Variants in MEGF11 observed in about 807,000 individuals in gnomAD.
MEGF11 encodes multiple EGF like domains 11.
In MEGF11, 126 loss-of-function variants were observed where a neutral mutation model predicts 146.6. The observed-to-expected ratio is 0.86, with a 90% CI of 0.74 to 1.00. The LOEUF (loss-of-function observed/expected upper bound fraction) is 1.00. Among genes scored for constraint, MEGF11 ranks in the 50% least tolerant of loss-of-function variants. MEGF11 has a pLI of 0.00. For missense variants in MEGF11, 1,509 were observed against 1,521.2 expected (o/e 0.99, Z 0.13); for synonymous variants, 532 against 583.4 (o/e 0.91, Z 1.27).
chr15:66,107,415 G>T (rs1443974362), intron 4 of MEGF11, among the ~76,000 whole-genome samples: 1 of 152,176 alleles, frequency 6.6e-6, no homozygotes, highest in African/African-American at 2.4e-5. Context: ...GAGGGAGGAA[G>T]GCGCTCAGCA....
chr15:66,204,956 T>C (rs1311021568), intron 1 of MEGF11, among the ~76,000 whole-genome samples: 1 of 149,898 alleles, frequency 6.7e-6, no homozygotes, highest in East Asian at 2.0e-4. Flanking sequence ...AGGAACAACA[T>C]GGTGGTGTGT....
chr15:66,203,904 T>A (rs2091232151), intron 1 of MEGF11, among the ~76,000 whole-genome samples: 1 of 152,196 alleles, frequency 6.6e-6, no homozygotes, highest in African/African-American at 2.4e-5. Context: ...TTTTTGGAGA[T>A]GTATGTTGAC....
chr15:66,116,880 A>T (rs1297521278), intron 4 of MEGF11, among the ~76,000 whole-genome samples: 1 of 152,188 alleles, frequency 6.6e-6, no homozygotes, highest in Non-Finnish European at 1.5e-5. Context: ...AGAGAGGTAA[A>T]GCCTTGCCTA....
chr15:65,925,296 T>C (rs780554574), intron 13 of MEGF11, among the ~76,000 whole-genome samples: 1 of 152,230 alleles, frequency 6.6e-6, no homozygotes, highest in Admixed American at 6.5e-5. Flanking sequence ...TTGAGAACCA[T>C]GAGTGTACCA....
At chr15:66,074,338 A>G (rs1251247228) in intron 5 of MEGF11, among the ~76,000 whole-genome samples, 1 of 152,216 alleles carries the variant, frequency 6.6e-6, no homozygotes, top group Non-Finnish European at 1.5e-5. Context: ...ATCCAAGTAG[A>G]CAGGTATAGC....
intron 5 of MEGF11, among the ~76,000 whole-genome samples, chr15:66,064,066 C>T (rs1198109707): frequency 6.6e-6 from 1 of 152,158 alleles, no homozygotes; most frequent in African/African-American, 2.4e-5. Flanking sequence ...GATGAAACGC[C>T]ATAGCAACAA....
intron 1 of MEGF11, among the ~76,000 whole-genome samples, chr15:66,171,769 C>A (rs564502333): frequency 6.6e-6 from 1 of 150,528 alleles, no homozygotes; most frequent in African/African-American, 2.4e-5. Flanking sequence ...TCCTCCAGTT[C>A]CCCCCACCCC....
At chr15:66,205,335 T>C (rs1176746682) in intron 1 of MEGF11, among the ~76,000 whole-genome samples, 3 of 152,040 alleles carry the variant, frequency 2.0e-5, no homozygotes, top group African/African-American at 7.2e-5. Flanking sequence ...TCCAAGATAC[T>C]TGGAAGGCTG....
At chr15:66,186,451 A>C (rs996589380) in intron 1 of MEGF11, among the ~76,000 whole-genome samples, 14 of 152,206 alleles carry the variant, frequency 9.2e-5, no homozygotes, top group Admixed American at 5.9e-4. Context: ...AGGAGCTGGC[A>C]TCATTCTCTG....
intron 10 of MEGF11, 65 bp from the exon 11 acceptor site, chr15:65,931,008 G>A (rs2079557972): frequency 6.9e-7 from 1 of 1,455,204 alleles, no homozygotes; most frequent in Non-Finnish European, 9.2e-7. Context: ...GTGGTAGGCA[G>A]GATAATGACC....
intron 10 of MEGF11, among the ~76,000 whole-genome samples, chr15:65,931,515 T>C (rs1049073650): frequency 3.9e-5 from 6 of 152,218 alleles, no homozygotes; most frequent in Admixed American, 1.3e-4. Flanking sequence ...TGTCAGATAA[T>C]AAATTTGTGC....
At chr15:66,195,896 G>A (rs2090996938) in intron 1 of MEGF11, among the ~76,000 whole-genome samples, 1 of 152,236 alleles carries the variant, frequency 6.6e-6, no homozygotes, top group Admixed American at 6.5e-5. Context: ...CCACAGCAGG[G>A]GCTGGAGTAA....
At chr15:66,224,065 G>C (rs1331935000) in intron 1 of MEGF11, among the ~76,000 whole-genome samples, 1 of 152,156 alleles carries the variant, frequency 6.6e-6, no homozygotes, top group Non-Finnish European at 1.5e-5. Context: ...AGGACACTTT[G>C]CTACTTCAAG....
At chr15:66,033,321 G>A (rs2083603553) in intron 5 of MEGF11, among the ~76,000 whole-genome samples, 1 of 152,160 alleles carries the variant, frequency 6.6e-6, no homozygotes, top group South Asian at 2.1e-4. Flanking sequence ...AGCTCTAGGA[G>A]GGCAGAATGG....
intron 5 of MEGF11, among the ~76,000 whole-genome samples, chr15:65,990,010 C>T (rs929348997): frequency 3.3e-5 from 5 of 152,082 alleles, no homozygotes; most frequent in Non-Finnish European, 7.4e-5. Flanking sequence ...CTGGACAACA[C>T]AGTGAGACCC....
At chr15:66,134,813 A>G (rs1364865222) in intron 1 of MEGF11, among the ~76,000 whole-genome samples, 1 of 152,266 alleles carries the variant, frequency 6.6e-6, no homozygotes, top group Non-Finnish European at 1.5e-5. Context: ...AGCAAGCCAC[A>G]TGGTGTCAGA....
chr15:66,217,264 G>C (rs149061743), intron 1 of MEGF11, among the ~76,000 whole-genome samples: 211 of 152,344 alleles, frequency 1.4e-3, no homozygotes, highest in African/African-American at 4.9e-3. Flanking sequence ...TAAGGAGCCT[G>C]AGGCCCAGAG....
chr15:66,001,070 G>A (rs966418323), intron 5 of MEGF11, among the ~76,000 whole-genome samples: 5 of 152,314 alleles, frequency 3.3e-5, no homozygotes, highest in Admixed American at 2.0e-4. Context: ...TAACCTGTCT[G>A]GTTCAGAGTT....
At chr15:66,015,028 T>C (rs1217674418) in intron 5 of MEGF11, among the ~76,000 whole-genome samples, 1 of 152,096 alleles carries the variant, frequency 6.6e-6, no homozygotes, top group Non-Finnish European at 1.5e-5. Flanking sequence ...CGTCCCACCA[T>C]GATTGCTTTC....
Sources: allele counts gnomAD v4.1 joint callset (sites outside exome capture counted in the v4.1 genomes callset), GRCh38; gene constraint gnomAD v4.1.1; transcripts MANE v1.5; gene names NCBI Gene and HGNC (gene_info 2026-07-23, HGNC 2026-07-21).